The following PCDH7 variants were observed in gnomAD, a reference collection of about 807,000 sequenced individuals.
The protein encoded by PCDH7 is protocadherin-7.
A neutral mutation model predicts 58.9 loss-of-function variants in PCDH7; 17 were observed. The observed-to-expected ratio is 0.29, with a 90% confidence interval of 0.20 to 0.43. The LOEUF (loss-of-function observed/expected upper bound fraction) is 0.43, where lower values mean the gene tolerates loss of function less well. PCDH7 is among the 20% of genes least tolerant of loss of function. The probability of loss-of-function intolerance (pLI) is 1.00; values close to 1 mark genes in which losing one functional copy is unlikely to be tolerated. For missense variants in PCDH7, 1,274 were observed against 1,441.0 expected, an observed-to-expected ratio of 0.88 and a Z score of 1.88; for synonymous variants, 664 against 616.4, an observed-to-expected ratio of 1.08 and a Z score of -1.14.
intron 1 of PCDH7, among the ~76,000 whole-genome samples, chr4:30,849,770 C>G (rs548780478): frequency 3.3e-5 from 5 of 152,042 alleles, no homozygotes; most frequent in Non-Finnish European, 7.4e-5. Flanking sequence ...TGTGAGGTCT[C>G]CTTTCTTTTC....
Position 30,916,044 on chromosome 4 carries a change from C to T in PCDH7, c.71-4109C>T, listed in dbSNP as rs528798495. Among the ~76,000 whole-genome samples the T allele has an allele frequency of 9.9e-5, 15 of 152,184 alleles. No individual in the cohort carries two copies. The South Asian group carries it at 3.1e-3, about 32-fold the overall frequency. On this transcript the variant is annotated intron_variant, in intron 1 of 3. Transcript: ENST00000509759. ...CATTATATTTTTGTGCTTTTATGTA[C>T]TGATAAGGTTTTGAGTTTCTTAAAT...
chr4:30,748,832 T>G (rs1384177479), intron 1 of PCDH7, among the ~76,000 whole-genome samples: 1 of 152,144 alleles, frequency 6.6e-6, no homozygotes, highest in African/African-American at 2.4e-5. Flanking sequence ...CAGAAGATAA[T>G]GTCTTTACTC....
chr4:30,784,216 CA>C (rs1350913736), intron 1 of PCDH7, among the ~76,000 whole-genome samples: 2 of 152,140 alleles, frequency 1.3e-5, no homozygotes, highest in Non-Finnish European at 2.9e-5. Flanking sequence ...TTACCAAAGA[CA>C]ATTTTCAGAA....
intron 1 of PCDH7, among the ~76,000 whole-genome samples, chr4:30,899,716 A>G (rs1448039550): frequency 6.6e-6 from 1 of 151,506 alleles, no homozygotes; most frequent in African/African-American, 2.4e-5. Flanking sequence ...TATGACACTA[A>G]TATTTTTTTT....
At chr4:30,855,369 C>A (rs913044918) in intron 1 of PCDH7, among the ~76,000 whole-genome samples, 2 of 152,128 alleles carry the variant, frequency 1.3e-5, no homozygotes, top group Non-Finnish European at 1.5e-5. Flanking sequence ...GCTCATTGCC[C>A]CTTTCCCCAG....
intron 1 of PCDH7, among the ~76,000 whole-genome samples, chr4:30,823,978 C>T (rs1046667226): frequency 4.6e-5 from 7 of 152,080 alleles, no homozygotes; most frequent in African/African-American, 4.8e-5. Context: ...TCTGGAGAAG[C>T]CAGTAAGTTC....
At chr4:30,738,725 AT>A (rs1462160513) in intron 1 of PCDH7, among the ~76,000 whole-genome samples, 1 of 152,196 alleles carries the variant, frequency 6.6e-6, no homozygotes, top group Non-Finnish European at 1.5e-5. Context: ...TAGTCTTAAA[AT>A]TTTAGTGCAT....
intron 1 of PCDH7, among the ~76,000 whole-genome samples, chr4:30,876,666 G>A (rs1220212028): frequency 6.6e-6 from 1 of 152,026 alleles, no homozygotes; most frequent in Non-Finnish European, 1.5e-5. Flanking sequence ...TCATTAGGAA[G>A]TGAAGCAAAG....
chr4:30,877,163 C>G (rs1736397008), intron 1 of PCDH7, among the ~76,000 whole-genome samples: 1 of 151,816 alleles, frequency 6.6e-6, no homozygotes, highest in African/African-American at 2.4e-5. Context: ...CAAAGTTAAA[C>G]TAGGGTTGAT....
intron 3 of PCDH7, among the ~76,000 whole-genome samples, chr4:31,106,791 G>T (rs1031644273): frequency 2.0e-5 from 3 of 152,168 alleles, no homozygotes; most frequent in African/African-American, 7.2e-5. Flanking sequence ...CTGAAGTATG[G>T]TCCATTTAGG....
At chr4:30,878,104 C>G in intron 1 of PCDH7, among the ~76,000 whole-genome samples, 1 of 152,138 alleles carries the variant, frequency 6.6e-6, no homozygotes, top group South Asian at 2.1e-4. Flanking sequence ...CAACATAACA[C>G]TGGCTTATAC....
intron 1 of PCDH7, among the ~76,000 whole-genome samples, chr4:30,881,450 A>G (rs1162132377): frequency 6.6e-6 from 1 of 152,180 alleles, no homozygotes; most frequent in East Asian, 1.9e-4. Flanking sequence ...ACATCTAAAG[A>G]CACATGCATA....
At chr4:30,799,000 T>C (rs1407639041) in intron 1 of PCDH7, among the ~76,000 whole-genome samples, 1 of 152,230 alleles carries the variant, frequency 6.6e-6, no homozygotes, top group Non-Finnish European at 1.5e-5. Context: ...TTGAAAAAAA[T>C]ATAAAACAAT....
At chr4:30,986,900 G>C (rs1018371736) in intron 3 of PCDH7, among the ~76,000 whole-genome samples, 4 of 151,946 alleles carry the variant, frequency 2.6e-5, no homozygotes, top group Admixed American at 6.6e-5. Context: ...AGAATCACTT[G>C]AACCTGGGAG....
chr4:31,050,096 G>A (rs1756614615), intron 3 of PCDH7, among the ~76,000 whole-genome samples: 1 of 152,084 alleles, frequency 6.6e-6, no homozygotes, highest in Non-Finnish European at 1.5e-5. Context: ...GGAGGTGCAG[G>A]ACTCAGCAGT....
chr4:31,089,205 A>G (rs1159339939), intron 3 of PCDH7, among the ~76,000 whole-genome samples: 1 of 152,104 alleles, frequency 6.6e-6, no homozygotes, highest in Non-Finnish European at 1.5e-5. Context: ...CAGTAGGTAT[A>G]ATTGGACTAT....
intron 3 of PCDH7, among the ~76,000 whole-genome samples, chr4:31,072,171 G>A (rs1184102303): frequency 6.6e-6 from 1 of 152,000 alleles, no homozygotes; most frequent in African/African-American, 2.4e-5. Flanking sequence ...ATTCAATGAA[G>A]GGCTTTTCTG....
At chr4:30,815,731 C>T (rs1727589119) in intron 1 of PCDH7, among the ~76,000 whole-genome samples, 1 of 152,246 alleles carries the variant, frequency 6.6e-6, no homozygotes, top group African/African-American at 2.4e-5. Flanking sequence ...ACTTACTCAA[C>T]TCATGAGATC....
At chr4:30,885,920 T>G (rs1737675958) in intron 1 of PCDH7, among the ~76,000 whole-genome samples, 1 of 152,344 alleles carries the variant, frequency 6.6e-6, no homozygotes, top group East Asian at 1.9e-4. Flanking sequence ...GCTGGCCATA[T>G]GTAGAAAGCT....
Sources: gnomAD v4.1 joint callset for allele counts (sites outside exome capture counted in the v4.1 genomes callset) on GRCh38, gnomAD v4.1.1 for gene constraint, MANE v1.5 for transcripts, NCBI Gene and HGNC (gene_info 2026-07-23, HGNC 2026-07-21) for gene names.